Variants in FSTL5 observed in about 807,000 individuals in gnomAD.
The protein encoded by FSTL5 is follistatin like 5.
A neutral mutation model predicts 89.1 loss-of-function variants in FSTL5; 62 were observed. The observed-to-expected ratio is 0.70, with a 90% confidence interval of 0.57 to 0.86. The LOEUF is 0.86. Ranked by LOEUF, FSTL5 falls within the 40% of genes least tolerant of loss-of-function variation. The pLI is 0.00. For missense variants in FSTL5, 1,057 were observed against 1,001.6 expected (o/e 1.06, Z -0.75); for synonymous variants, 383 against 346.2 (o/e 1.11, Z -1.18).
At chr4:161,802,760 T>C (rs1363692671) in intron 4 of FSTL5, among the ~76,000 whole-genome samples, 3 of 151,736 alleles carry the variant, frequency 2.0e-5, no homozygotes, top group African/African-American at 2.4e-5. Flanking sequence ...GATAACAAGA[T>C]TGAAAAAAAT....
intron 1 of FSTL5, among the ~76,000 whole-genome samples, chr4:162,155,605 A>G (rs1415365046): frequency 1.3e-5 from 2 of 152,230 alleles, no homozygotes; most frequent in Non-Finnish European, 2.9e-5. Flanking sequence ...TGACACTGAC[A>G]TGACATTTAC....
intron 8 of FSTL5, among the ~76,000 whole-genome samples, chr4:161,568,636 C>A (rs1732898722): frequency 6.6e-6 from 1 of 151,256 alleles, no homozygotes; most frequent in African/African-American, 2.5e-5. Context: ...TAGGAGCTGT[C>A]ATTATTCAGC....
At chr4:161,469,711 C>T (rs1316639252) in intron 13 of FSTL5, among the ~76,000 whole-genome samples, 1 of 151,386 alleles carries the variant, frequency 6.6e-6, no homozygotes, top group Non-Finnish European at 1.5e-5. Flanking sequence ...CATCTCGGCT[C>T]ACTGGAAGCT....
At chr4:162,121,287 A>G (rs192948444) in intron 1 of FSTL5, among the ~76,000 whole-genome samples, 1 of 152,140 alleles carries the variant, frequency 6.6e-6, no homozygotes, top group East Asian at 1.9e-4. Flanking sequence ...ATAATATTAC[A>G]GTAGGCTGGG....
At chr4:161,965,710 T>C (rs1735305445) in intron 3 of FSTL5, among the ~76,000 whole-genome samples, 1 of 152,140 alleles carries the variant, frequency 6.6e-6, no homozygotes, top group African/African-American at 2.4e-5. Context: ...TGTTTACTGC[T>C]GGCATAGTGC....
At chr4:161,892,155 C>G (rs540622747) in intron 4 of FSTL5, among the ~76,000 whole-genome samples, 23 of 152,078 alleles carry the variant, frequency 1.5e-4, no homozygotes, top group African/African-American at 5.3e-4. Context: ...ATTGTGATCT[C>G]ATTTCAATAA....
chr4:161,903,350 T>C (rs1203849739), intron 4 of FSTL5, among the ~76,000 whole-genome samples: 6 of 152,006 alleles, frequency 3.9e-5, no homozygotes, highest in Admixed American at 6.6e-5. Flanking sequence ...TTAGTCCCTA[T>C]CAAAAACTAT....
chr4:161,719,984 A>G (rs1056712956), intron 6 of FSTL5, among the ~76,000 whole-genome samples: 2 of 152,138 alleles, frequency 1.3e-5, no homozygotes, highest in South Asian at 4.1e-4. Context: ...CCTTATTGAC[A>G]TTGGCCTTGG....
intron 8 of FSTL5, among the ~76,000 whole-genome samples, chr4:161,545,551 T>C (rs1320044340): frequency 6.6e-6 from 1 of 152,024 alleles, no homozygotes; most frequent in Non-Finnish European, 1.5e-5. Flanking sequence ...ATTTTTGGTT[T>C]ACAAATACAT....
chr4:161,887,844 T>G (rs1007758426), intron 4 of FSTL5, among the ~76,000 whole-genome samples: 5 of 152,200 alleles, frequency 3.3e-5, no homozygotes, highest in Non-Finnish European at 4.4e-5. Context: ...TCATTCATTT[T>G]ACAAGTAAGG....
chr4:161,874,388 GTT>G (rs1457266455), intron 4 of FSTL5, among the ~76,000 whole-genome samples: 2 of 151,550 alleles, frequency 1.3e-5, no homozygotes, highest in African/African-American at 2.4e-5. Flanking sequence ...TTTCTTCTGA[GTT>G]TTCACAATCA....
At chr4:161,427,736 G>C (rs1418778250) in intron 15 of FSTL5, among the ~76,000 whole-genome samples, 2 of 152,136 alleles carry the variant, frequency 1.3e-5, no homozygotes, top group Non-Finnish European at 2.9e-5. Flanking sequence ...GACAATGTCT[G>C]ATAACAATTA....
chr4:161,887,915 T>C (rs1732866182), intron 4 of FSTL5, among the ~76,000 whole-genome samples: 1 of 152,146 alleles, frequency 6.6e-6, no homozygotes, highest in Non-Finnish European at 1.5e-5. Context: ...CTAGTCCCCA[T>C]GTGCAATATC....
intron 13 of FSTL5, among the ~76,000 whole-genome samples, chr4:161,459,598 A>C (rs963025796): frequency 6.6e-6 from 1 of 152,032 alleles, no homozygotes; most frequent in Non-Finnish European, 1.5e-5. Flanking sequence ...CATTTGCACA[A>C]CTGTACACAG....
intron 4 of FSTL5, among the ~76,000 whole-genome samples, chr4:161,884,223 G>A (rs1732728226): frequency 2.6e-5 from 4 of 151,762 alleles, no homozygotes; most frequent in Admixed American, 2.6e-4. Context: ...CTAATTTTTT[G>A]TATTTTTAGT....
chr4:162,052,269 A>T (rs984306869), intron 2 of FSTL5, among the ~76,000 whole-genome samples: 2 of 151,622 alleles, frequency 1.3e-5, no homozygotes, highest in Non-Finnish European at 3.0e-5. Flanking sequence ...AAAATTTGAA[A>T]CAAAACAAAC....
intron 7 of FSTL5, among the ~76,000 whole-genome samples, chr4:161,614,151 C>T (rs1003938614): frequency 2.6e-5 from 4 of 152,056 alleles, no homozygotes; most frequent in Admixed American, 6.5e-5. Flanking sequence ...AATCTTCTGT[C>T]ATATTTTGAA....
At chr4:161,995,900 A>G (rs1490935823) in intron 3 of FSTL5, among the ~76,000 whole-genome samples, 1 of 151,920 alleles carries the variant, frequency 6.6e-6, no homozygotes, top group African/African-American at 2.4e-5. Flanking sequence ...AGAAACTTAA[A>G]TCTTGTTACT....
At chr4:162,054,118 T>G (rs1738466631) in intron 2 of FSTL5, among the ~76,000 whole-genome samples, 1 of 150,990 alleles carries the variant, frequency 6.6e-6, no homozygotes, top group African/African-American at 2.5e-5. Context: ...TACATCAATC[T>G]TAGGTTAACT....
Sources: allele counts gnomAD v4.1 joint callset (sites outside exome capture counted in the v4.1 genomes callset), GRCh38; gene constraint gnomAD v4.1.1; transcripts MANE v1.5; gene names NCBI Gene and HGNC (gene_info 2026-07-23, HGNC 2026-07-21).